Variants in TXLNG observed in about 807,000 individuals in gnomAD.
The protein encoded by TXLNG is taxilin gamma, also known as gamma-taxilin.
TXLNG carries 5 observed loss-of-function variants against 38.8 expected under a neutral mutation model. The ratio of observed to expected loss-of-function variants is 0.13; its 90% CI spans 0.07 to 0.27. The LOEUF is 0.27. Ranked by LOEUF, TXLNG falls within the 10% of genes least tolerant of loss-of-function variation. The probability of loss-of-function intolerance (pLI) is 1.00; values close to 1 mark genes in which losing one functional copy is unlikely to be tolerated. For missense variants in TXLNG, 393 were observed against 398.2 expected, an observed-to-expected ratio of 0.99 and a Z score of 0.11; for synonymous variants, 182 against 158.2, an observed-to-expected ratio of 1.15 and a Z score of -1.13.
intron 1 of TXLNG, among the ~76,000 whole-genome samples, chrX:16,788,358 A>T (rs1378114381): frequency 8.9e-6 from 1 of 112,059 alleles, no homozygotes; most frequent in Non-Finnish European, 1.9e-5. Flanking sequence ...AGGAATAGTC[A>T]TGTGTGTGTC....
intron 3 of TXLNG, among the ~76,000 whole-genome samples, chrX:16,823,483 AAG>A (rs1929055250): frequency 1.9e-5 from 2 of 106,862 alleles, no homozygotes; most frequent in African/African-American, 6.8e-5. Flanking sequence ...AAAAAAAAAA[AAG>A]TGGAGTATAT....
intron 1 of TXLNG, among the ~76,000 whole-genome samples, chrX:16,812,732 C>T (rs1247806175): frequency 5.8e-5 from 4 of 68,585 alleles, no homozygotes; most frequent in African/African-American, 5.8e-5. Context: ...GGTGGAGTTT[C>T]GCTCTTATGC....
intron 1 of TXLNG, among the ~76,000 whole-genome samples, chrX:16,788,815 G>A (rs1442874598): frequency 9.1e-6 from 1 of 109,998 alleles, no homozygotes; most frequent in African/African-American, 3.3e-5. Flanking sequence ...TTACAGATGT[G>A]TGCTACCACG....
intron 1 of TXLNG, among the ~76,000 whole-genome samples, chrX:16,799,130 C>T (rs1174145738): frequency 2.7e-5 from 3 of 110,632 alleles, no homozygotes; most frequent in African/African-American, 6.6e-5. Context: ...CCGCGCACCT[C>T]GGCTTCCCAA....
intron 1 of TXLNG, among the ~76,000 whole-genome samples, chrX:16,815,545 G>A (rs761590298): frequency 1.7e-4 from 19 of 109,109 alleles, no homozygotes; most frequent in Non-Finnish European, 3.6e-4. Flanking sequence ...TTTTTGAGAC[G>A]GAGTCTCGCT....
At position 16,843,088 on chromosome X, in the gene TXLNG, A is replaced by AATT. The variant is rs1472703075; in HGVS notation, c.*1323_*1325dup. On this transcript the variant is annotated 3_prime_UTR_variant, in exon 10 of 10. Transcript: ENST00000380122. ...GAAGTTTTGACTTTGTCCCTGGTATAATTTGCATTGAAATGCTTTATGAAA... is the reference window on the plus strand; with the variant it reads ...GAAGTTTTGACTTTGTCCCTGGTATAATTATTTGCATTGAAATGCTTTATGAAA... 3 of 112,505 alleles carry AATT rather than the reference A, an allele frequency of 2.7e-5. No homozygotes were observed. Among genetic ancestry groups the AATT allele is most frequent in the African/African-American group, 9.7e-5 (3 of 31,044 alleles). 9.3% of individuals were successfully genotyped at this position (112,505 alleles called of 1,213,427 possible).
chrX:16,793,413 C>T (rs1022723199), intron 1 of TXLNG, among the ~76,000 whole-genome samples: 4 of 110,462 alleles, frequency 3.6e-5, no homozygotes, highest in African/African-American at 1.3e-4. Flanking sequence ...ATTTCCAAAA[C>T]GTCCCTAGAA....
At chrX:16,824,460 A>G (rs766547422) in intron 3 of TXLNG, among the ~76,000 whole-genome samples, 2 of 112,601 alleles carry the variant, frequency 1.8e-5, no homozygotes, top group African/African-American at 6.4e-5. Context: ...TTAAGCTTTG[A>G]AATTTGTAGA....
intron 1 of TXLNG, among the ~76,000 whole-genome samples, chrX:16,818,232 A>G (rs1928813767): frequency 9.0e-6 from 1 of 111,274 alleles, no homozygotes; most frequent in Admixed American, 9.6e-5. Context: ...ATAAGATTAG[A>G]ATAATTAATA....
chrX:16,841,587 A>G lies in TXLNG; in HGVS notation c.1408A>G (p.Arg470Gly), dbSNP rs1569274637. The G allele has an allele frequency of 1.7e-6, 2 of 1,211,704 alleles. No individual in the cohort carries two copies. The highest frequency in any genetic ancestry group is 2.2e-6 in the Non-Finnish European group (2 of 895,539). The change falls in exon 10 of 10, where the codon AGG becomes GGG. Residue 470 changes from arginine (R) to glycine (G), a missense_variant. Arg to Gly is a moderately radical substitution (Grantham distance 125, BLOSUM62 -2). Coordinates refer to ENST00000380122, the MANE Select transcript of TXLNG (RefSeq NM_018360.3). ...CAAAGCGGCCATCAAAGCGGCGAACAGGGATTTAGCAACACCTGTGATGCA... is the reference window on the plus strand; with the variant it reads ...CAAAGCGGCCATCAAAGCGGCGAACGGGGATTTAGCAACACCTGTGATGCA... ...SIKAAIKAAN[R>G]DLATPVMQPC...
At chrX:16,809,341 A>AGTT (rs1325104439) in intron 1 of TXLNG, among the ~76,000 whole-genome samples, 2 of 60,704 alleles carry the variant, frequency 3.3e-5, no homozygotes, top group African/African-American at 5.8e-5. Flanking sequence ...GATATCTTAT[A>AGTT]GTTGTTTTTT....
chrX:16,806,836 G>C (rs1928346107), intron 1 of TXLNG, among the ~76,000 whole-genome samples: 1 of 107,104 alleles, frequency 9.3e-6, no homozygotes, highest in Non-Finnish European at 1.9e-5. Context: ...AGAATTGCTT[G>C]AACTCGGGAG....
chrX:16,841,358 A>G, intron 9 of TXLNG, 70 bp from the exon 10 acceptor site: 41 of 987,532 alleles, frequency 4.2e-5, no homozygotes, highest in Non-Finnish European at 5.5e-6. Context: ...AATATGGCTG[A>G]GCTGGCTTAA....
intron 1 of TXLNG, among the ~76,000 whole-genome samples, chrX:16,788,503 A>G (rs1191267784): frequency 1.8e-5 from 2 of 111,373 alleles, no homozygotes; most frequent in East Asian, 2.8e-4. Context: ...TTGAATTTTC[A>G]TTTAACAAAT....
intron 3 of TXLNG, 74 bp from the exon 4 acceptor site, chrX:16,828,020 T>G: frequency 2.0e-6 from 2 of 978,453 alleles, no homozygotes; most frequent in Non-Finnish European, 2.8e-6. Flanking sequence ...GTTCCATAGC[T>G]CTCATTATAA....
intron 1 of TXLNG, among the ~76,000 whole-genome samples, chrX:16,802,069 T>A (rs1393060332): frequency 9.8e-6 from 1 of 102,486 alleles, no homozygotes; most frequent in Admixed American, 1.1e-4. Context: ...TTCTCCTGCC[T>A]CAGCCTCCCG....
chrX:16,806,789 C>T (rs371704822), intron 1 of TXLNG, among the ~76,000 whole-genome samples: 15 of 109,715 alleles, frequency 1.4e-4, no homozygotes, highest in African/African-American at 4.3e-4. Flanking sequence ...TGGTGGTGCG[C>T]GCCTGTAGTC....
chrX:16,811,936 G>A (rs1928535036), intron 1 of TXLNG, among the ~76,000 whole-genome samples: 1 of 110,358 alleles, frequency 9.1e-6, no homozygotes, highest in African/African-American at 3.3e-5. Context: ...CACCGCACCC[G>A]ACCCTGAGTC....
At chrX:16,840,059 T>C (rs1378002924) in intron 9 of TXLNG, 143 bp downstream of exon 9, 1 of 428,123 alleles carries the variant, frequency 2.3e-6, no homozygotes, top group East Asian at 4.1e-5. Flanking sequence ...GGGGTGGGGA[T>C]GAGTTGCTGG....
Sources: allele counts gnomAD v4.1 joint callset (sites outside exome capture counted in the v4.1 genomes callset), GRCh38; gene constraint gnomAD v4.1.1; transcripts MANE v1.5; gene names NCBI Gene and HGNC (gene_info 2026-07-23, HGNC 2026-07-21).